Variants in PRICKLE3 observed in about 807,000 individuals in gnomAD.
The protein encoded by PRICKLE3 is prickle planar cell polarity protein 3, also known as LIM domain only protein 6.
In PRICKLE3, 17 loss-of-function variants were observed where a neutral mutation model predicts 33.8. That is an observed-to-expected ratio of 0.50 (90% CI 0.34 to 0.75). The LOEUF is 0.75. Ranked by LOEUF, PRICKLE3 falls within the 30% of genes least tolerant of loss-of-function variation. The pLI is 0.01. For synonymous variants in PRICKLE3, 211 were observed against 219.6 expected, an observed-to-expected ratio of 0.96 and a Z score of 0.34; for missense variants, 573 against 576.7, an observed-to-expected ratio of 0.99 and a Z score of 0.07.
rs782358873 is a variant in PRICKLE3 at position 49,176,960 on chromosome X, C to T, written c.1198G>A (p.Ala400Thr). 8.3e-7 allele frequency: 1 copy of T among 1,209,992 alleles called. No homozygotes were observed. Among genetic ancestry groups the T allele is most frequent in the South Asian group, 1.8e-5 (1 of 56,635 alleles). Residue 400 changes from alanine to threonine, a missense_variant, in exon 8 of 9, where the codon GCT (alanine) becomes ACT (threonine). By Grantham distance (58) the Ala-to-Thr change is moderately conservative. Transcript: ENST00000599218. ...PLAASTASFS[A>T]VKGASETTTK... ...GTGGTCTCTGATGCCCCCTTCACAGCAGAGAAAGAGGCTGTGGAGGCTGCA... is the reference window on the plus strand; with the variant it reads ...GTGGTCTCTGATGCCCCCTTCACAGTAGAGAAAGAGGCTGTGGAGGCTGCA...
chrX:49,176,356 C>T (rs781920448), intron 8 of PRICKLE3, 91 bp from the exon 9 acceptor site: 9 of 681,152 alleles, frequency 1.3e-5, no homozygotes, highest in Admixed American at 8.7e-5. Flanking sequence ...TTCTTTCCTC[C>T]ACTAAGACTG....
In PRICKLE3 at chrX:49,186,299, G is replaced by T; in HGVS notation, c.-2C>A. On this transcript the variant is annotated 5_prime_UTR_variant, in exon 1 of 9. Transcript: ENST00000599218. ...CCTCCGGGACCCACGCGCGAACATG[G>T]CGCGCCCGGGCAGGGTCAAGCCGGG... is the stretch of plus-strand genomic sequence containing the variant. 1 of 1,145,091 alleles carries T rather than the reference G, an allele frequency of 8.7e-7. No homozygotes were observed. 94.4% of individuals were successfully genotyped at this position (1,145,091 alleles called of 1,213,427 possible).
intron 7 of PRICKLE3, 92 bp from the exon 8 acceptor site, chrX:49,177,294 G>C: frequency 1.1e-6 from 1 of 949,838 alleles, no homozygotes; most frequent in Non-Finnish European, 1.4e-6. Flanking sequence ...GAAGAGGTGG[G>C]GAATCCGAGG....
chrX:49,177,373 T>G (rs2147871291), intron 7 of PRICKLE3, among the ~76,000 whole-genome samples, 171 bp from the exon 8 acceptor site: 1 of 112,326 alleles, frequency 8.9e-6, no homozygotes, highest in African/African-American at 3.2e-5. Flanking sequence ...AGGAAACAGG[T>G]TTTGGTTCTC....
Position 49,176,166 on chromosome X carries a change from T to A in PRICKLE3, c.1355A>T (p.Glu452Val). Residue 452 changes from glutamate (E) to valine (V), a missense_variant, in exon 9 of 9, where the codon GAG becomes GTG. Coordinates refer to ENST00000599218, the MANE Select transcript of PRICKLE3 (RefSeq NM_006150.5). ...GLRSVPEPPP[E>V]SPGQPNLRPD... ...GCGCAGGTTAGGCTGGCCGGGGGAC[T>A]CTGGGGGCGGCTCGGGGACACTGCG... is the stretch of plus-strand genomic sequence containing the variant. The A allele has an allele frequency of 8.4e-7, 1 of 1,192,447 alleles. No individual in the cohort carries two copies. Among genetic ancestry groups the A allele is most frequent in the Non-Finnish European group, 1.1e-6 (1 of 885,678 alleles).
intron 3 of PRICKLE3, among the ~76,000 whole-genome samples, chrX:49,181,501 ATATATATGTGTATATATACG>A (rs2065450420): frequency 1.1e-5 from 1 of 92,831 alleles, no homozygotes; most frequent in African/African-American, 3.9e-5. Flanking sequence ...ACATATGTGT[ATATATATGTGTATATATACG>A]TATATATGTG....
At chrX:49,181,330 T>G (rs949012178) in intron 3 of PRICKLE3, among the ~76,000 whole-genome samples, 6 of 101,206 alleles carry the variant, frequency 5.9e-5, no homozygotes, top group Non-Finnish European at 1.0e-4. Context: ...ATTGAGCCAC[T>G]GCACTCAAAC....
At position 49,178,446 on chromosome X, in the gene PRICKLE3, G is replaced by A. The variant is rs781830482; in HGVS notation, c.594C>T (p.Ile198=). 3.1e-5 allele frequency: 37 copies of A among 1,209,779 alleles called. No homozygotes were observed. Among genetic ancestry groups the A allele is most frequent in the Non-Finnish European group, 3.6e-5 (32 of 894,200 alleles). ...GGCCTGCACGGCTGGCAAACACTGCGATGTCCCCACCTCCAATCTGCTTTC... is the reference window on the plus strand; with the variant it reads ...GGCCTGCACGGCTGGCAAACACTGCAATGTCCCCACCTCCAATCTGCTTTC... ...ECGKQIGGGD[I]AVFASRAGLG... Residue 198 remains isoleucine (I), a synonymous_variant, in exon 6 of 9, where the codon ATC becomes ATT. Coordinates refer to ENST00000599218, the MANE Select transcript of PRICKLE3 (RefSeq NM_006150.5).
At chrX:49,181,407 T>C (rs1557100983) in intron 3 of PRICKLE3, among the ~76,000 whole-genome samples, 23 of 93,118 alleles carry the variant, frequency 2.5e-4, no homozygotes, top group African/African-American at 7.9e-4. Context: ...TATATATATA[T>C]ACACGTATAA....
At chrX:49,178,207 TCA>T in intron 6 of PRICKLE3, 28 bp from the exon 7 acceptor site, 3 of 1,196,704 alleles carry the variant, frequency 2.5e-6, no homozygotes, top group Non-Finnish European at 3.4e-6. Context: ...TCTGTGGCTG[TCA>T]GATGAGCCTG....
In PRICKLE3 at chrX:49,177,106, C is replaced by T. The variant is rs781922422; in HGVS notation, c.1052G>A (p.Arg351His). The T allele has an allele frequency of 1.3e-4, 159 of 1,199,081 alleles. 1 individual carries two copies. The highest frequency in any genetic ancestry group is 1.6e-4 in the Non-Finnish European group (142 of 890,125). ...TAGGCCTCGGCGTGGCAGGAATGGG[C>T]GGCCCAGCAGGGCCCGCCCACAGCG... ...CSRCGRALLG[R>H]PFLPRRGLIF... The change falls in exon 8 of 9, where the codon CGC becomes CAC. Residue 351 changes from arginine to histidine, a missense_variant. Coordinates refer to ENST00000599218, the MANE Select transcript of PRICKLE3 (RefSeq NM_006150.5).
intron 8 of PRICKLE3, among the ~76,000 whole-genome samples, chrX:49,176,620 A>G (rs1413466789): frequency 9.3e-6 from 1 of 107,807 alleles, no homozygotes; most frequent in Admixed American, 1.0e-4. Context: ...CCGGCTGGAG[A>G]AGAGGAAGAG....
Position 49,176,178 on chromosome X carries a change from T to A in PRICKLE3, c.1343A>T (p.Glu448Val). The A allele has an allele frequency of 8.4e-7, 1 of 1,183,982 alleles. No homozygotes were observed. Among genetic ancestry groups the A allele is most frequent in the Non-Finnish European group, 1.1e-6 (1 of 881,423 alleles). ...MPELGLRSVP[E>V]PPPESPGQPN... is the part of the protein sequence containing the mutation. ...CTGGCCGGGGGACTCTGGGGGCGGC[T>A]CGGGGACACTGCGGAGCCCCAGTTC... The change falls in exon 9 of 9, where the codon GAG becomes GTG. Residue 448 changes from glutamate (E) to valine (V), a missense_variant. Physicochemically the swap from Glu to Val is moderately radical, Grantham distance 121 (BLOSUM62 -2). Transcript: ENST00000599218.
intron 3 of PRICKLE3, among the ~76,000 whole-genome samples, chrX:49,182,568 G>C (rs1557101315): frequency 8.9e-6 from 1 of 112,742 alleles, no homozygotes; most frequent in Non-Finnish European, 1.9e-5. Flanking sequence ...CCCTTTGCCT[G>C]TGTGAATCGC....
At chrX:49,178,235 AC>A in intron 6 of PRICKLE3, 36 bp downstream of exon 6, 1 of 1,196,628 alleles carries the variant, frequency 8.4e-7, no homozygotes. Flanking sequence ...GGCCCTGCCC[AC>A]CCTCAACTCC....
In PRICKLE3 at chrX:49,175,723, G is replaced by A. The variant is rs1557099800; in HGVS notation, c.1798C>T (p.Arg600Cys). 4 of 1,210,129 alleles carry A rather than the reference G, an allele frequency of 3.3e-6. No individual in the cohort carries two copies. The highest frequency in any genetic ancestry group is 3.4e-6 in the Non-Finnish European group (3 of 895,209). ...CGGGCCTGACGAGGCATCCCTGCGC[G>A]AGAGTCCCTGGGGAGCGATAAAGAT... ...SPSLSLPRDS[R>C]AGMPRQARDK... Residue 600 changes from arginine to cysteine, a missense_variant, in exon 9 of 9, where the codon CGC becomes TGC. Transcript: ENST00000599218.
rs1258726951 is a variant in PRICKLE3, at chrX:49,179,801, A to G, written c.318T>C (p.Tyr106=). ...VPPGLKPEQV[Y]QFFSCLPEDK... ...CCTCTGGGAGGCAGCTGAAAAATTG[A>G]TATACCTGGGAGGACATAGGAGTGG... The change falls in exon 4 of 9, where the codon TAT becomes TAC. Residue 106 remains tyrosine (Y), a synonymous_variant. Transcript: ENST00000599218. 4 of 1,100,936 alleles carry G rather than the reference A, an allele frequency of 3.6e-6. No homozygotes were observed. The highest frequency in any genetic ancestry group is 2.4e-6 in the Non-Finnish European group (2 of 819,904). 90.7% of individuals were successfully genotyped at this position (1,100,936 alleles called of 1,213,427 possible). A position where few individuals can be genotyped will look rare whatever the true frequency, so the allele number is the denominator to read the frequency against.
chrX:49,177,959 C>T, intron 7 of PRICKLE3, 34 bp downstream of exon 7: 2 of 1,130,684 alleles, frequency 1.8e-6, no homozygotes. Flanking sequence ...GCTGTCCATC[C>T]ATCCCTCTGT....
In PRICKLE3 at chrX:49,178,084, C is replaced by T. The variant is rs372632830; in HGVS notation, c.864G>A (p.Gln288=). ...GGCGGCTCTGACGCATGACATAGCG[C>T]TGCCCTCCTAGTGAAGCTTCACACT... ...CFECEASLGG[Q]RYVMRQSRPH... Residue 288 remains glutamine (Q), a synonymous_variant, in exon 7 of 9, where the codon CAG becomes CAA. Coordinates refer to ENST00000599218, the MANE Select transcript of PRICKLE3 (RefSeq NM_006150.5). The T allele has an allele frequency of 2.5e-6, 3 of 1,180,014 alleles. No homozygotes were observed. The highest frequency in any genetic ancestry group is 3.5e-5 in the African/African-American group (2 of 56,900).
Sources: gnomAD v4.1 joint callset for allele counts (sites outside exome capture counted in the v4.1 genomes callset) on GRCh38, gnomAD v4.1.1 for gene constraint, MANE v1.5 for transcripts, NCBI Gene and HGNC (gene_info 2026-07-23, HGNC 2026-07-21) for gene names.